The following ARFGEF1 variants were observed in gnomAD, a reference collection of about 807,000 sequenced individuals.
The protein encoded by ARFGEF1 is brefeldin A-inhibited guanine nucleotide-exchange protein 1.
A neutral mutation model predicts 231.0 loss-of-function variants in ARFGEF1; 42 were observed. The observed-to-expected ratio is 0.18, with a 90% CI of 0.14 to 0.24. The LOEUF (loss-of-function observed/expected upper bound fraction) is 0.24, where lower values mean the gene tolerates loss of function less well. ARFGEF1 is among the 10% of genes least tolerant of loss of function. ARFGEF1 has a pLI of 1.00. For synonymous variants in ARFGEF1, 710 were observed against 732.3 expected (o/e 0.97, Z 0.49); for missense variants, 1,345 against 2,192.0 (o/e 0.61, Z 7.72).
At chr8:67,241,569 C>T (rs1054317887) in intron 19 of ARFGEF1, among the ~76,000 whole-genome samples, 11 of 152,070 alleles carry the variant, frequency 7.2e-5, no homozygotes, top group African/African-American at 2.7e-4. Context: ...TTAAACTGTG[C>T]ACTCATAACT....
intron 1 of ARFGEF1, among the ~76,000 whole-genome samples, chr8:67,318,281 A>G (rs1426825186): frequency 1.3e-5 from 2 of 151,742 alleles, no homozygotes; most frequent in East Asian, 1.9e-4. Context: ...AAAAAATCAC[A>G]TGATCATTTC....
intron 18 of ARFGEF1, 75 bp from the exon 19 acceptor site, chr8:67,251,525 T>C (rs912753341): frequency 1.5e-6 from 2 of 1,314,316 alleles, no homozygotes; most frequent in South Asian, 1.7e-5. Context: ...TACTATCAAA[T>C]AATAAACACC....
At chr8:67,279,567 T>C (rs1374632490) in intron 7 of ARFGEF1, among the ~76,000 whole-genome samples, 3 of 152,206 alleles carry the variant, frequency 2.0e-5, no homozygotes, top group African/African-American at 7.2e-5. Flanking sequence ...ATCTCTCAAA[T>C]GAATACTCAA....
intron 1 of ARFGEF1, among the ~76,000 whole-genome samples, chr8:67,311,145 G>A (rs1210480915): frequency 1.0e-3 from 145 of 143,406 alleles, no homozygotes; most frequent in African/African-American, 3.4e-3. Flanking sequence ...CAGCTGCCCC[G>A]TCTGGGAGGT....
At chr8:67,318,508 C>T (rs1008674654) in intron 1 of ARFGEF1, among the ~76,000 whole-genome samples, 2 of 152,020 alleles carry the variant, frequency 1.3e-5, no homozygotes, top group African/African-American at 4.8e-5. Flanking sequence ...GAGAGAAATA[C>T]AACAGTTCTT....
rs1482139820 is a variant in ARFGEF1 at position 67,244,266 on chromosome 8, A to C, written c.2851-3976T>G. ...TCAAAAAAAAAAAAAAAAAAAAAAA[A>C]AACATTCGACTACTGAGTCTCTCGT... On this transcript the variant is annotated intron_variant, in intron 19 of 38. Transcript: ENST00000262215. Among the ~76,000 whole-genome samples the C allele has an allele frequency of 5.0e-3, 86 of 17,214 alleles. 3 individuals are homozygous for C. The highest frequency in any genetic ancestry group is 0.024 in the African/African-American group (82 of 3,428). The allele number at this position is 17,214 out of a possible 152,430, so 11.3% of individuals were successfully genotyped here.
intron 1 of ARFGEF1, among the ~76,000 whole-genome samples, chr8:67,325,386 A>T (rs1807788897): frequency 6.6e-6 from 1 of 152,150 alleles, no homozygotes; most frequent in Non-Finnish European, 1.5e-5. Context: ...ATCACTTCAA[A>T]GGTTGTTTTT....
In ARFGEF1 at chr8:67,258,278, C is replaced by A; in HGVS notation, c.2248G>T (p.Glu750Ter). ...EERLDSTQVG[E>*]FLGDNDKFNK... is the part of the protein sequence containing the mutation. Reference sequence around the variant, plus strand: ...AATTTATCATTATCTCCCAGGAACTCACCCACTTGAGTCTAAAGTAAAAAC... The same window carrying A: ...AATTTATCATTATCTCCCAGGAACTAACCCACTTGAGTCTAAAGTAAAAAC... The change falls in exon 16 of 39, where the codon GAG (glutamate) becomes TAG (stop). Residue 750 changes from glutamate (E) to a stop codon, truncating the protein, a stop_gained. Coordinates refer to ENST00000262215, the MANE Select transcript of ARFGEF1 (RefSeq NM_006421.5). LOFTEE classifies it high-confidence loss of function. 6.3e-7 allele frequency: 1 copy of A among 1,594,662 alleles called. No homozygotes were observed.
chr8:67,257,327 G>A (rs534996075), intron 17 of ARFGEF1, among the ~76,000 whole-genome samples: 3 of 152,220 alleles, frequency 2.0e-5, no homozygotes, highest in Non-Finnish European at 1.5e-5. Flanking sequence ...TGATCCGCCT[G>A]TCTCGGCCAC....
intron 32 of ARFGEF1, 124 bp downstream of exon 32, chr8:67,217,658 G>C: frequency 9.6e-7 from 1 of 1,039,048 alleles, no homozygotes; most frequent in Non-Finnish European, 1.4e-6. Context: ...GTAAGAGTAA[G>C]ACAAGCTTAA....
chr8:67,286,295 C>A (rs1008889144), intron 7 of ARFGEF1, among the ~76,000 whole-genome samples: 5 of 152,220 alleles, frequency 3.3e-5, no homozygotes, highest in Non-Finnish European at 7.3e-5. Context: ...AAAGGACACA[C>A]AGGTGTTCAC....
At chr8:67,222,218 T>TATATATATATATATACACACAC in intron 29 of ARFGEF1, among the ~76,000 whole-genome samples, 1 of 123,956 alleles carries the variant, frequency 8.1e-6, no homozygotes, top group Non-Finnish European at 1.6e-5. Context: ...CACACATATA[T>TATATATATATATATACACACAC]ATATATGTAT....
chr8:67,236,357 AAAAAAAAAATATAT>A (rs1189961815), intron 22 of ARFGEF1, among the ~76,000 whole-genome samples: 6 of 44,284 alleles, frequency 1.4e-4, no homozygotes, highest in African/African-American at 6.2e-4. Context: ...GTTAAAAAAA[AAAAAAAAAATATAT>A]ATATATATAT....
At chr8:67,184,822 G>C (rs893111684) in intron 5 of ARFGEF1, among the ~76,000 whole-genome samples, 1 of 149,494 alleles carries the variant, frequency 6.7e-6, no homozygotes. Context: ...ACAGTCGGCC[G>C]GGCACGGTGG....
At chr8:67,311,227 G>T (rs1207070828) in intron 1 of ARFGEF1, among the ~76,000 whole-genome samples, 1 of 142,360 alleles carries the variant, frequency 7.0e-6, no homozygotes, top group African/African-American at 2.6e-5. Context: ...CGCCCCGTCC[G>T]GGAGGGAGGT....
At chr8:67,225,956 A>G (rs73693149) in intron 28 of ARFGEF1, 67 bp downstream of exon 28, 52,542 of 1,446,292 alleles carry the variant, frequency 0.036, 2,322 homozygotes, top group African/African-American at 0.22. Context: ...TCAATTCCCA[A>G]ACAAACTTAA....
intron 33 of ARFGEF1, among the ~76,000 whole-genome samples, chr8:67,214,616 T>C (rs891235456): frequency 7.2e-5 from 11 of 152,152 alleles, no homozygotes; most frequent in Admixed American, 5.9e-4. Flanking sequence ...AGATTAGGTA[T>C]ATATCTAGTG....
intron 17 of ARFGEF1, among the ~76,000 whole-genome samples, chr8:67,255,795 G>A (rs1441453333): frequency 6.6e-6 from 1 of 152,186 alleles, no homozygotes; most frequent in Admixed American, 6.5e-5. Context: ...GCTAGACTAG[G>A]ACTCCAAGCA....
At chr8:67,187,773 T>C (rs1195687730) in intron 5 of ARFGEF1, among the ~76,000 whole-genome samples, 2 of 152,222 alleles carry the variant, frequency 1.3e-5, no homozygotes, top group Non-Finnish European at 1.5e-5. Flanking sequence ...CCAAAGGCAG[T>C]ATTATGATGG....
Sources: allele counts gnomAD v4.1 joint callset (sites outside exome capture counted in the v4.1 genomes callset), GRCh38; gene constraint gnomAD v4.1.1; transcripts MANE v1.5; gene names NCBI Gene and HGNC (gene_info 2026-07-23, HGNC 2026-07-21).